The following SH3RF1 variants were observed in gnomAD, a reference collection of about 807,000 sequenced individuals.
SH3RF1 encodes E3 ubiquitin-protein ligase SH3RF1.
In SH3RF1, 32 loss-of-function variants were observed where a neutral mutation model predicts 74.0. The observed-to-expected ratio is 0.43, with a 90% confidence interval of 0.33 to 0.58. The LOEUF is 0.58. Among genes scored for constraint, SH3RF1 ranks in the 20% least tolerant of loss-of-function variants. SH3RF1 has a pLI of 0.05. For synonymous variants in SH3RF1, 396 were observed against 439.6 expected (o/e 0.90, Z 1.24); for missense variants, 954 against 1,130.9 (o/e 0.84, Z 2.24).
intron 4 of SH3RF1, among the ~76,000 whole-genome samples, chr4:169,148,240 T>A (rs1240532358): frequency 3.9e-5 from 6 of 152,220 alleles, no homozygotes; most frequent in African/African-American, 1.4e-4. Context: ...AGGGCAGAAG[T>A]CTAGGGAAGC....
intron 11 of SH3RF1, among the ~76,000 whole-genome samples, chr4:169,101,731 A>G (rs1475369842): frequency 6.6e-6 from 1 of 151,244 alleles, no homozygotes; most frequent in Non-Finnish European, 1.5e-5. Context: ...CCTTGGTTGG[A>G]AAGCACCCCT....
intron 2 of SH3RF1, among the ~76,000 whole-genome samples, chr4:169,207,367 C>T (rs1730278847): frequency 6.6e-6 from 1 of 152,156 alleles, no homozygotes; most frequent in Admixed American, 6.6e-5. Flanking sequence ...TTTAAGGTTA[C>T]AGTGAGCCAT....
At chr4:169,246,363 T>C (rs1730994491) in intron 2 of SH3RF1, among the ~76,000 whole-genome samples, 1 of 152,194 alleles carries the variant, frequency 6.6e-6, no homozygotes, top group African/African-American at 2.4e-5. Flanking sequence ...TATTTCCACC[T>C]CGGTGTGCTA....
chr4:169,163,788 G>C (rs760001517), intron 2 of SH3RF1, among the ~76,000 whole-genome samples: 1 of 152,010 alleles, frequency 6.6e-6, no homozygotes, highest in African/African-American at 2.4e-5. Context: ...AAAATTCATC[G>C]AGAACAGTCC....
intron 2 of SH3RF1, among the ~76,000 whole-genome samples, chr4:169,198,642 T>C (rs1363682770): frequency 1.3e-5 from 2 of 152,100 alleles, no homozygotes; most frequent in Non-Finnish European, 2.9e-5. Context: ...TCTTTACACA[T>C]GTATACATAA....
At chr4:169,108,378 A>T (rs968475126) in intron 10 of SH3RF1, among the ~76,000 whole-genome samples, 6 of 152,224 alleles carry the variant, frequency 3.9e-5, no homozygotes, top group African/African-American at 1.4e-4. Context: ...TAAATCCCTA[A>T]CAACATTGTT....
At chr4:169,181,441 T>C (rs1422786147) in intron 2 of SH3RF1, among the ~76,000 whole-genome samples, 1 of 151,940 alleles carries the variant, frequency 6.6e-6, no homozygotes, top group Non-Finnish European at 1.5e-5. Context: ...TTTTGTATTT[T>C]TTGTAGAGAC....
intron 2 of SH3RF1, among the ~76,000 whole-genome samples, chr4:169,162,107 A>G (rs1368372822): frequency 6.6e-6 from 1 of 152,164 alleles, no homozygotes; most frequent in Non-Finnish European, 1.5e-5. Flanking sequence ...CAGTGAGCCA[A>G]GATGGCGCCA....
At chr4:169,114,452 T>C (rs889582060) in intron 10 of SH3RF1, among the ~76,000 whole-genome samples, 2 of 152,238 alleles carry the variant, frequency 1.3e-5, no homozygotes, top group Non-Finnish European at 2.9e-5. Flanking sequence ...AAGGTCCTTT[T>C]GGCCATGTAA....
chr4:169,118,068 C>T (rs1287479833), intron 8 of SH3RF1, among the ~76,000 whole-genome samples: 2 of 152,186 alleles, frequency 1.3e-5, no homozygotes, highest in African/African-American at 4.8e-5. Flanking sequence ...AATATCTCCA[C>T]TGACTTTCAA....
At chr4:169,224,338 A>G (rs1561057547) in intron 2 of SH3RF1, among the ~76,000 whole-genome samples, 1 of 149,596 alleles carries the variant, frequency 6.7e-6, no homozygotes, top group Non-Finnish European at 1.5e-5. Context: ...TTTTTTTTGA[A>G]ATGGAGTCTT....
In SH3RF1 at chr4:169,146,073, ATAT is replaced by A. The variant is rs1469050003; in HGVS notation, c.765+9404_765+9406del. On this transcript the variant is annotated intron_variant, in intron 4 of 11. Transcript: ENST00000284637. ...TAAAATATTATATATTCTATATAAAATATTATATATTCTATATATTCTATATAA... is the reference window on the plus strand; with the variant it reads ...TAAAATATTATATATTCTATATAAAATATATATTCTATATATTCTATATAA... Among the ~76,000 whole-genome samples, 76 of 105,584 alleles carry A rather than the reference ATAT, an allele frequency of 7.2e-4. 8 individuals carry two copies. Among genetic ancestry groups the A allele is most frequent in the Admixed American group, 1.9e-3 (22 of 11,522 alleles). 69.3% of individuals were successfully genotyped at this position (105,584 alleles called of 152,430 possible). A position where few individuals can be genotyped will look rare whatever the true frequency, so the allele number is the denominator to read the frequency against.
intron 2 of SH3RF1, among the ~76,000 whole-genome samples, chr4:169,160,754 T>A (rs1484801591): frequency 1.3e-5 from 2 of 152,240 alleles, no homozygotes; most frequent in Non-Finnish European, 2.9e-5. Flanking sequence ...CAAAGTTCAG[T>A]GATCTTTGAA....
Position 169,170,391 on chromosome 4 carries a change from T to C in SH3RF1, c.394-13712A>G, listed in dbSNP as rs571901642. Among the ~76,000 whole-genome samples the C allele has an allele frequency of 1.8e-3, 271 of 152,350 alleles. 2 individuals are homozygous for C. The highest frequency in any genetic ancestry group is 2.4e-3 in the Admixed American group (36 of 15,308). ...TACTGCATAAGAAGGTAACAGATCA[T>C]GCTAGCTGTATTCCTACTAACGAAA... is the stretch of plus-strand genomic sequence containing the variant. On this transcript the variant is annotated intron_variant, in intron 2 of 11. Coordinates refer to ENST00000284637, the MANE Select transcript of SH3RF1 (RefSeq NM_020870.4).
At chr4:169,257,411 T>C (rs1051046767) in intron 2 of SH3RF1, among the ~76,000 whole-genome samples, 2 of 152,230 alleles carry the variant, frequency 1.3e-5, no homozygotes, top group Non-Finnish European at 2.9e-5. Flanking sequence ...CTTACTCCTG[T>C]TGACTCTGCA....
At chr4:169,118,352 T>C (rs1002093943) in intron 8 of SH3RF1, among the ~76,000 whole-genome samples, 1 of 152,214 alleles carries the variant, frequency 6.6e-6, no homozygotes, top group Non-Finnish European at 1.5e-5. Context: ...AGGTTTAAGA[T>C]CTTATGATTC....
chr4:169,217,013 AC>A (rs35969538), intron 2 of SH3RF1, among the ~76,000 whole-genome samples: 59,792 of 136,730 alleles, frequency 0.44, 13,933 homozygotes, highest in East Asian at 0.75. Context: ...AAAAAAAAAA[AC>A]CAGCCAGGTG....
At chr4:169,221,382 T>C (rs1730561854) in intron 2 of SH3RF1, among the ~76,000 whole-genome samples, 1 of 152,162 alleles carries the variant, frequency 6.6e-6, no homozygotes, top group South Asian at 2.1e-4. Flanking sequence ...CCAGATGACA[T>C]GGGGTTGGAA....
chr4:169,142,436 A>C (rs1336389073), intron 4 of SH3RF1, among the ~76,000 whole-genome samples: 1 of 152,186 alleles, frequency 6.6e-6, no homozygotes, highest in Non-Finnish European at 1.5e-5. Context: ...CAATTGTTTT[A>C]AATAAGAAAC....
Sources: gnomAD v4.1 joint callset for allele counts (sites outside exome capture counted in the v4.1 genomes callset) on GRCh38, gnomAD v4.1.1 for gene constraint, MANE v1.5 for transcripts, NCBI Gene and HGNC (gene_info 2026-07-23, HGNC 2026-07-21) for gene names.